The following CRYBG1 variants were observed in gnomAD, a reference collection of about 807,000 sequenced individuals.
The protein encoded by CRYBG1 is beta/gamma crystallin domain-containing protein 1.
A neutral mutation model predicts 189.2 loss-of-function variants in CRYBG1; 139 were observed. The observed-to-expected ratio is 0.73, with a 90% CI of 0.64 to 0.85. The LOEUF (loss-of-function observed/expected upper bound fraction) is 0.85, where lower values mean the gene tolerates loss of function less well. Ranked by LOEUF, CRYBG1 falls within the 40% of genes least tolerant of loss-of-function variation. The pLI is 0.00. For synonymous variants in CRYBG1, 1,023 were observed against 1,017.1 expected, an observed-to-expected ratio of 1.01 and a Z score of -0.11; for missense variants, 2,611 against 2,675.8, an observed-to-expected ratio of 0.98 and a Z score of 0.53.
intron 1 of CRYBG1, among the ~76,000 whole-genome samples, chr6:106,413,760 A>G (rs562057051): frequency 6.6e-6 from 1 of 152,206 alleles, no homozygotes; most frequent in South Asian, 2.1e-4. Flanking sequence ...GAAGGATTTA[A>G]CTACCAAAAT....
intron 9 of CRYBG1, 48 bp downstream of exon 9, chr6:106,539,577 A>T (rs201275181): frequency 6.4e-7 from 1 of 1,573,818 alleles, no homozygotes; most frequent in East Asian, 2.3e-5. Flanking sequence ...TGTCAGCTTG[A>T]CGTGGTAATT....
intron 1 of CRYBG1, among the ~76,000 whole-genome samples, chr6:106,362,171 G>A (rs1771889983): frequency 6.6e-6 from 1 of 150,856 alleles, no homozygotes; most frequent in African/African-American, 2.4e-5. Flanking sequence ...GGGTTTCACC[G>A]TGTTAGACAG....
intron 3 of CRYBG1, among the ~76,000 whole-genome samples, chr6:106,517,918 C>G (rs1051462034): frequency 6.6e-6 from 1 of 152,060 alleles, no homozygotes; most frequent in African/African-American, 2.4e-5. Flanking sequence ...TAATTATACC[C>G]AAGAAATGTG....
In CRYBG1 at chr6:106,437,588, C is replaced by T. The variant is rs186455733; in HGVS notation, c.174-14106C>T. The stretch of plus-strand genomic sequence containing the variant: ...AGTAGCTAGGACTACTGGCAAGCTC[C>T]ATCACACTCAGCTGATTTTTGTTTG... On this transcript the variant is annotated intron_variant, in intron 1 of 21. Transcript: ENST00000633556. Among the ~76,000 whole-genome samples the T allele has an allele frequency of 3.0e-3, 457 of 152,206 alleles. 2 individuals are homozygous for T. Among genetic ancestry groups the T allele is most frequent in the African/African-American group, 0.01 (433 of 41,518 alleles).
At chr6:106,479,212 C>G (rs1305273617) in intron 2 of CRYBG1, among the ~76,000 whole-genome samples, 1 of 152,190 alleles carries the variant, frequency 6.6e-6, no homozygotes, top group Non-Finnish European at 1.5e-5. Flanking sequence ...TTTCAATTCT[C>G]TTGAGTATAC....
Position 106,541,196 on chromosome 6 carries a change from G to C in CRYBG1, c.4846-390G>C, listed in dbSNP as rs1254980527. 6.3e-6 allele frequency: 3 copies of C among 476,634 alleles called. No individual in the cohort carries two copies. The Admixed American group carries it at 7.1e-5, about 11-fold the overall frequency. 29.5% of individuals were successfully genotyped at this position (476,634 alleles called of 1,614,324 possible). A position where few individuals can be genotyped will look rare whatever the true frequency, so the allele number is the denominator to read the frequency against. On this transcript the variant is annotated intron_variant, in intron 9 of 21. Transcript: ENST00000633556. ...CCGGGCCTGTGCCCAGCTGAAGGAT[G>C]AACTGAGGGCAGGATCGTTAAATGC...
At chr6:106,567,999 A>G (rs1774942154) in intron 21 of CRYBG1, among the ~76,000 whole-genome samples, 1 of 152,160 alleles carries the variant, frequency 6.6e-6, no homozygotes, top group African/African-American at 2.4e-5. Flanking sequence ...TTGTTCATGC[A>G]AGTGCTGTTC....
chr6:106,360,756 C>G lies in CRYBG1; in HGVS notation c.-153C>G. ...TGCGCTGGGTGCTGGTTCTGCAACCCGCGGCCGTCCCCCCGCATCCGCGAC... is the reference window on the plus strand; with the variant it reads ...TGCGCTGGGTGCTGGTTCTGCAACCGGCGGCCGTCCCCCCGCATCCGCGAC... On this transcript the variant is annotated 5_prime_UTR_variant, in exon 1 of 22. Coordinates refer to ENST00000633556, the MANE Select transcript of CRYBG1 (RefSeq NM_001371242.2). The G allele has an allele frequency of 1.1e-6, 1 of 875,316 alleles. No homozygotes were observed. The highest frequency in any genetic ancestry group is 1.6e-6 in the Non-Finnish European group (1 of 606,164). The allele number at this position is 875,316 out of a possible 1,614,324, so 54.2% of individuals were successfully genotyped here.
intron 20 of CRYBG1, among the ~76,000 whole-genome samples, chr6:106,563,474 C>T (rs1774785473): frequency 6.6e-6 from 1 of 152,126 alleles, no homozygotes; most frequent in East Asian, 1.9e-4. Context: ...ATATGATGGG[C>T]AGTTCTAATG....
At chr6:106,551,645 A>G (rs1676009) in intron 13 of CRYBG1, among the ~76,000 whole-genome samples, 9,592 of 152,278 alleles carry the variant, frequency 0.063, 980 homozygotes, top group African/African-American at 0.21. Context: ...CAGTGTATAA[A>G]TGTTCCCTCT....
intron 2 of CRYBG1, among the ~76,000 whole-genome samples, chr6:106,482,193 T>A (rs1048852017): frequency 1.3e-5 from 2 of 152,244 alleles, no homozygotes; most frequent in Non-Finnish European, 2.9e-5. Flanking sequence ...GTAGAACTCA[T>A]AGCAACTTGC....
In CRYBG1 at chr6:106,397,696, C is replaced by T. The variant is rs549685561; in HGVS notation, c.173+36615C>T. ...AAGGCTACTGCCTCTGTGAAACCAG[C>T]GGGGCATATCACCACTAACTCCATG... On this transcript the variant is annotated intron_variant, in intron 1 of 21. Transcript: ENST00000633556. 6.6e-5 allele frequency among the ~76,000 whole-genome samples: 10 copies of T among 152,254 alleles called. No individual in the cohort carries two copies. The South Asian group carries it at 8.3e-4, about 13-fold the overall frequency.
At chr6:106,409,437 G>A (rs1770884424) in intron 1 of CRYBG1, among the ~76,000 whole-genome samples, 1 of 152,122 alleles carries the variant, frequency 6.6e-6, no homozygotes, top group African/African-American at 2.4e-5. Flanking sequence ...TGTGAAAATG[G>A]CCATACTTCC....
intron 2 of CRYBG1, among the ~76,000 whole-genome samples, chr6:106,494,781 G>A (rs528232540): frequency 1.9e-4 from 29 of 152,132 alleles, no homozygotes; most frequent in African/African-American, 6.3e-4. Context: ...TTGCATGCTT[G>A]GACACATTTT....
intron 1 of CRYBG1, among the ~76,000 whole-genome samples, chr6:106,421,171 G>A (rs1188084044): frequency 6.6e-6 from 1 of 152,146 alleles, no homozygotes; most frequent in African/African-American, 2.4e-5. Flanking sequence ...CAGATGAGAT[G>A]ATTGTTACTA....
chr6:106,512,080 C>T lies in CRYBG1; in HGVS notation c.963C>T (p.Ala321=), dbSNP rs1190469286. The T allele has an allele frequency of 2.0e-6, 3 of 1,534,294 alleles. No individual in the cohort carries two copies. Among genetic ancestry groups the T allele is most frequent in the African/African-American group, 1.4e-5 (1 of 72,982 alleles). The part of the protein sequence containing the change: ...EAPNGAPSVC[A]EEGSLGPRNA... ...CTAACGGAGCCCCCAGTGTGTGTGC[C>T]GAAGAAGGCTCCCTGGGGCCCCGCA... Residue 321 remains alanine, a synonymous_variant, in exon 3 of 22, where the codon GCC becomes GCT. Transcript: ENST00000633556.
At chr6:106,478,063 G>A (rs1307743281) in intron 2 of CRYBG1, among the ~76,000 whole-genome samples, 1 of 152,258 alleles carries the variant, frequency 6.6e-6, no homozygotes, top group Non-Finnish European at 1.5e-5. Flanking sequence ...GTGCCCCTAA[G>A]CTGGGATGTG....
At chr6:106,489,787 CAAA>C (rs10593320) in intron 2 of CRYBG1, among the ~76,000 whole-genome samples, 24 of 81,668 alleles carry the variant, frequency 2.9e-4, no homozygotes, top group African/African-American at 7.8e-4. Flanking sequence ...ACTCTGTGTC[CAAA>C]AAAAAAAAAA....
rs560059053 is a variant in CRYBG1 at position 106,392,921 on chromosome 6, C to T, written c.173+31840C>T. Among the ~76,000 whole-genome samples, 10 of 152,046 alleles carry T rather than the reference C, an allele frequency of 6.6e-5. No homozygotes were observed. The South Asian group carries it at 8.3e-4, about 13-fold the overall frequency. ...TCCCGAGTAGCTAGGGTTATAGGTGCGTGCCACCACACTTGGCTAATTTTT... is the reference window on the plus strand; with the variant it reads ...TCCCGAGTAGCTAGGGTTATAGGTGTGTGCCACCACACTTGGCTAATTTTT... On this transcript the variant is annotated intron_variant, in intron 1 of 21. Transcript: ENST00000633556.
Sources: gnomAD v4.1 joint callset for allele counts (sites outside exome capture counted in the v4.1 genomes callset) on GRCh38, gnomAD v4.1.1 for gene constraint, MANE v1.5 for transcripts, NCBI Gene and HGNC (gene_info 2026-07-23, HGNC 2026-07-21) for gene names.